ANO3: variants seen among roughly 807,000 people sequenced by gnomAD.
ANO3 encodes anoctamin 3, also known as anoctamin-3.
In ANO3, 99 loss-of-function variants were observed where a neutral mutation model predicts 144.8. The ratio of observed to expected loss-of-function variants is 0.68; its 90% CI spans 0.58 to 0.81. ANO3 has a LOEUF of 0.81. Ranked by LOEUF, ANO3 falls within the 30% of genes least tolerant of loss-of-function variation. ANO3 has a pLI of 0.00. For synonymous variants in ANO3, 414 were observed against 392.6 expected, an observed-to-expected ratio of 1.05 and a Z score of -0.64; for missense variants, 905 against 1,202.2, an observed-to-expected ratio of 0.75 and a Z score of 3.66.
At chr11:26,267,781 A>G (rs1853347185) in intron 1 of ANO3, among the ~76,000 whole-genome samples, 1 of 152,170 alleles carries the variant, frequency 6.6e-6, no homozygotes, top group African/African-American at 2.4e-5. Flanking sequence ...TTTACATAAT[A>G]TTCCCTTTGC....
At chr11:26,367,785 A>G (rs2133934124) in intron 1 of ANO3, among the ~76,000 whole-genome samples, 1 of 152,296 alleles carries the variant, frequency 6.6e-6, no homozygotes, top group South Asian at 2.1e-4. Flanking sequence ...GTGAAGCATC[A>G]AGGAGCTTTC....
intron 1 of ANO3, chr11:26,208,094 T>C (rs1851848749): frequency 6.6e-6 from 1 of 152,192 alleles, no homozygotes. Context: ...TGAGAAGTCT[T>C]TCTTGAATCT....
At chr11:26,271,113 G>A (rs991182333) in intron 1 of ANO3, among the ~76,000 whole-genome samples, 1 of 152,190 alleles carries the variant, frequency 6.6e-6, no homozygotes, top group Non-Finnish European at 1.5e-5. Flanking sequence ...TGACAAGATT[G>A]CCCTTCTGAA....
intron 4 of ANO3, among the ~76,000 whole-genome samples, chr11:26,464,938 G>T (rs1158632221): frequency 6.6e-6 from 1 of 151,730 alleles, no homozygotes; most frequent in Non-Finnish European, 1.5e-5. Flanking sequence ...CATTTTGGTA[G>T]TCTACTTTTA....
At chr11:26,335,175 A>G (rs376301902) in intron 1 of ANO3, among the ~76,000 whole-genome samples, 1 of 152,196 alleles carries the variant, frequency 6.6e-6, no homozygotes, top group Admixed American at 6.5e-5. Flanking sequence ...CTTACAGGTT[A>G]TGTCATTTAA....
intron 1 of ANO3, among the ~76,000 whole-genome samples, chr11:26,428,458 A>G (rs1453119716): frequency 6.6e-6 from 1 of 152,240 alleles, no homozygotes; most frequent in Non-Finnish European, 1.5e-5. Context: ...AGATTTCTCA[A>G]TAGCAAAGTA....
At position 26,346,765 on chromosome 11, in the gene ANO3, G is replaced by A. The variant is rs371076864; in HGVS notation, c.46+14444G>A. Among the ~76,000 whole-genome samples the A allele has an allele frequency of 5.9e-5, 9 of 152,240 alleles. No individual in the cohort carries two copies. The East Asian group carries it at 1.2e-3, about 20-fold the overall frequency. ...ATTTGACATCTGCTGAGGAAGATCC[G>A]CTTACATTTTCGTCAATACTCATGG... On this transcript the variant is annotated intron_variant, in intron 1 of 26. Coordinates refer to ENST00000256737, the MANE Select transcript of ANO3 (RefSeq NM_031418.4).
intron 12 of ANO3, 27 bp from the exon 13 acceptor site, chr11:26,553,222 T>G (rs750525913): frequency 3.3e-6 from 4 of 1,213,052 alleles, no homozygotes; most frequent in African/African-American, 2.3e-5. Context: ...ATGTTTTGTT[T>G]TGTTTTTGTT....
intron 1 of ANO3, among the ~76,000 whole-genome samples, chr11:26,316,651 C>T (rs748601680): frequency 3.9e-5 from 6 of 152,134 alleles, no homozygotes; most frequent in Non-Finnish European, 8.8e-5. Flanking sequence ...CTACAAGAGC[C>T]GTGGCAAGGT....
intron 1 of ANO3, among the ~76,000 whole-genome samples, chr11:26,398,927 G>T (rs1857081600): frequency 6.6e-6 from 1 of 152,014 alleles, no homozygotes; most frequent in Non-Finnish European, 1.5e-5. Flanking sequence ...AACTTTTGAA[G>T]TCAGTCTAGA....
intron 3 of ANO3, among the ~76,000 whole-genome samples, chr11:26,457,570 G>A (rs149874321): frequency 6.6e-6 from 1 of 151,994 alleles, no homozygotes; most frequent in Admixed American, 6.6e-5. Flanking sequence ...ATAGATTCTT[G>A]CATTTAATCC....
intron 14 of ANO3, among the ~76,000 whole-genome samples, chr11:26,576,669 A>G (rs995435958): frequency 1.3e-5 from 2 of 152,138 alleles, no homozygotes; most frequent in Non-Finnish European, 2.9e-5. Context: ...TTTTCTTCAT[A>G]GCACTTATTG....
chr11:26,452,540 A>G lies in ANO3; in HGVS notation c.313+8704A>G, dbSNP rs532470852. ...AGGGAAGTTTAGAGAAAAAAGAATA[A>G]AAAGAAACGAACAAAGCCTCCAAGA... On this transcript the variant is annotated intron_variant, in intron 3 of 26. Coordinates refer to ENST00000256737, the MANE Select transcript of ANO3 (RefSeq NM_031418.4). Among the ~76,000 whole-genome samples, 135 of 152,306 alleles carry G rather than the reference A, an allele frequency of 8.9e-4. 2 individuals carry two copies. Among genetic ancestry groups the G allele is most frequent in the African/African-American group, 3.1e-3 (128 of 41,550 alleles).
chr11:26,207,385 G>A (rs923207899), intron 1 of ANO3, among the ~76,000 whole-genome samples: 3 of 151,956 alleles, frequency 2.0e-5, no homozygotes, highest in African/African-American at 4.8e-5. Flanking sequence ...CTGTACTTAC[G>A]GTCCAATTGC....
intron 1 of ANO3, among the ~76,000 whole-genome samples, chr11:26,256,180 A>G (rs1345036779): frequency 2.0e-5 from 3 of 152,126 alleles, no homozygotes; most frequent in Non-Finnish European, 4.4e-5. Context: ...TTGGATTGAA[A>G]TCACTACTTG....
intron 18 of ANO3, among the ~76,000 whole-genome samples, chr11:26,627,119 A>G (rs894695369): frequency 6.6e-5 from 10 of 151,954 alleles, no homozygotes; most frequent in African/African-American, 9.7e-5. Context: ...ATTCTTTTAT[A>G]TATATATATA....
intron 14 of ANO3, among the ~76,000 whole-genome samples, chr11:26,588,731 C>G (rs898503545): frequency 5.3e-5 from 8 of 152,026 alleles, no homozygotes; most frequent in Non-Finnish European, 8.8e-5. Context: ...CATTAAAAAA[C>G]CTTAAGTCCC....
chr11:26,643,189 A>G lies in ANO3; in HGVS notation c.2283A>G (p.Gln761=), dbSNP rs759863516. The G allele has an allele frequency of 3.1e-6, 5 of 1,613,758 alleles. No homozygotes were observed. Among genetic ancestry groups the G allele is most frequent in the Admixed American group, 1.7e-5 (1 of 59,942 alleles). Residue 761 remains glutamine (Q), a synonymous_variant, in exon 23 of 27, where the codon CAA becomes CAG. Coordinates refer to ENST00000256737, the MANE Select transcript of ANO3 (RefSeq NM_031418.4). ...AATGCTCTTCTTTTGCAGTTTTGCA[A>G]TTTGGTTTTACCACCATCTTTGTTG... ...LMDEYLEMVL[Q]FGFTTIFVAA...
intron 20 of ANO3, among the ~76,000 whole-genome samples, chr11:26,638,735 A>G (rs1392444189): frequency 6.6e-6 from 1 of 152,228 alleles, no homozygotes; most frequent in African/African-American, 2.4e-5. Context: ...TTGTCTGTAC[A>G]TCTAAACTTA....
Sources: allele counts gnomAD v4.1 joint callset (sites outside exome capture counted in the v4.1 genomes callset), GRCh38; gene constraint gnomAD v4.1.1; transcripts MANE v1.5; gene names NCBI Gene and HGNC (gene_info 2026-07-23, HGNC 2026-07-21).